Variants in SOX5 observed in about 807,000 individuals in gnomAD.
SOX5 encodes the protein SRY-box transcription factor 5, also known as transcription factor SOX-5.
In SOX5, 9 loss-of-function variants were observed where a neutral mutation model predicts 92.0. That is an observed-to-expected ratio of 0.10 (90% CI 0.06 to 0.17). SOX5 has a LOEUF of 0.17. Ranked by LOEUF, SOX5 falls within the 10% of genes least tolerant of loss-of-function variation. SOX5 has a pLI of 1.00. For synonymous variants in SOX5, 344 were observed against 336.3 expected, an observed-to-expected ratio of 1.02 and a Z score of -0.25; for missense variants, 642 against 944.5, an observed-to-expected ratio of 0.68 and a Z score of 4.20.
chr12:24,238,727 CT>C (rs1965005936), intron 3 of SOX5, among the ~76,000 whole-genome samples: 1 of 152,124 alleles, frequency 6.6e-6, no homozygotes. Context: ...CTCTCAATTT[CT>C]ACCTTCTTTT....
intron 10 of SOX5, among the ~76,000 whole-genome samples, chr12:23,564,323 T>C (rs985892666): frequency 1.1e-4 from 16 of 152,220 alleles, no homozygotes; most frequent in African/African-American, 3.6e-4. Flanking sequence ...GGGAAAAAGA[T>C]TGTTTTGCAA....
chr12:23,750,910 G>A (rs764695826), intron 4 of SOX5, among the ~76,000 whole-genome samples: 1 of 151,798 alleles, frequency 6.6e-6, no homozygotes, highest in African/African-American at 2.4e-5. Flanking sequence ...GGACACCGGC[G>A]TCATGAGACG....
At chr12:24,390,742 T>C (rs1302803739) in intron 1 of SOX5, among the ~76,000 whole-genome samples, 1 of 152,150 alleles carries the variant, frequency 6.6e-6, no homozygotes, top group Non-Finnish European at 1.5e-5. Context: ...CTGCAAAAGA[T>C]AGGATTTCAT....
intron 4 of SOX5, among the ~76,000 whole-genome samples, chr12:24,058,354 T>C (rs1938993272): frequency 6.6e-6 from 1 of 152,224 alleles, no homozygotes. Context: ...CTATTTACAA[T>C]GAATTAAAAG....
Position 23,599,121 on chromosome 12 carries a change from G to C in SOX5, c.1164+5266C>G, listed in dbSNP as rs1417297080. Among the ~76,000 whole-genome samples the C allele has an allele frequency of 2.6e-5, 4 of 152,280 alleles. No individual in the cohort carries two copies. In the East Asian group the frequency reaches 5.8e-4, roughly 22 times the overall value. ...AGCAAAAAAATAGGTTCCCTAATAG[G>C]AGTCATCGGCACTGCTGATATTACT... On this transcript the variant is annotated intron_variant, in intron 9 of 14. Transcript: ENST00000451604.
At chr12:24,020,240 C>A (rs1307241523) in intron 4 of SOX5, among the ~76,000 whole-genome samples, 1 of 152,078 alleles carries the variant, frequency 6.6e-6, no homozygotes, top group African/African-American at 2.4e-5. Flanking sequence ...CCCCTGATGC[C>A]CCATGATGAT....
chr12:23,538,209 A>G (rs1043682317), intron 13 of SOX5, among the ~76,000 whole-genome samples: 2 of 152,204 alleles, frequency 1.3e-5, no homozygotes, highest in Non-Finnish European at 2.9e-5. Context: ...ACATGTAAAG[A>G]GTTCCTCAAT....
chr12:23,970,227 CTTCT>C (rs1408826200), intron 4 of SOX5, among the ~76,000 whole-genome samples: 6 of 107,386 alleles, frequency 5.6e-5, no homozygotes, highest in Non-Finnish European at 9.3e-5. Context: ...TTTCAGCTGA[CTTCT>C]TTTTTTTTTG....
intron 10 of SOX5, among the ~76,000 whole-genome samples, chr12:23,572,315 C>T (rs552346104): frequency 6.6e-6 from 1 of 152,296 alleles, no homozygotes; most frequent in African/African-American, 2.4e-5. Context: ...TTAATCCTCA[C>T]AGCTTTTATC....
intron 3 of SOX5, among the ~76,000 whole-genome samples, chr12:24,233,289 G>GA (rs1963793718): frequency 6.6e-6 from 1 of 151,842 alleles, no homozygotes; most frequent in Non-Finnish European, 1.5e-5. Flanking sequence ...GAATAACAAT[G>GA]AAAATTTAAA....
intron 1 of SOX5, among the ~76,000 whole-genome samples, chr12:23,914,349 A>T (rs1036615954): frequency 1.3e-5 from 2 of 152,218 alleles, no homozygotes; most frequent in African/African-American, 4.8e-5. Context: ...CTTTCCAGTT[A>T]TAATAGTAGT....
chr12:23,632,449 A>G (rs1435481267), intron 8 of SOX5, among the ~76,000 whole-genome samples: 1 of 152,154 alleles, frequency 6.6e-6, no homozygotes, highest in East Asian at 1.9e-4. Context: ...TCCTTCAATA[A>G]CAAGATAAAA....
chr12:23,953,937 G>A (rs1945971272), upstream of SOX5, among the ~76,000 whole-genome samples: 3 of 151,980 alleles, frequency 2.0e-5, no homozygotes, highest in South Asian at 4.1e-4. Context: ...ATAAAAAGGG[G>A]ATTGACACAG....
At chr12:23,949,885 G>T (rs1945313666), upstream of SOX5, among the ~76,000 whole-genome samples, 2 of 148,268 alleles carry the variant, frequency 1.3e-5, no homozygotes, top group South Asian at 4.4e-4. Context: ...GAGTCTGGCT[G>T]CTCCCCCCTC....
At chr12:23,598,335 T>A (rs1160163034) in intron 9 of SOX5, among the ~76,000 whole-genome samples, 1 of 151,752 alleles carries the variant, frequency 6.6e-6, no homozygotes, top group Non-Finnish European at 1.5e-5. Flanking sequence ...GGCCTTAGCA[T>A]TTCCTAGTCC....
chr12:23,797,494 G>A (rs975096326), intron 3 of SOX5, among the ~76,000 whole-genome samples: 6 of 151,596 alleles, frequency 4.0e-5, no homozygotes, highest in African/African-American at 9.7e-5. Context: ...ATAACTCTTC[G>A]GCATTTGCAC....
chr12:24,511,306 G>C (rs922117807), intron 1 of SOX5, among the ~76,000 whole-genome samples: 2 of 152,142 alleles, frequency 1.3e-5, no homozygotes, highest in African/African-American at 2.4e-5. Flanking sequence ...AATGCAGTGT[G>C]GTAATGTGTT....
chr12:23,786,019 C>T (rs2095370852), intron 3 of SOX5, among the ~76,000 whole-genome samples: 1 of 151,900 alleles, frequency 6.6e-6, no homozygotes, highest in East Asian at 1.9e-4. Flanking sequence ...AAACAAGTTA[C>T]CTAAGCTTCT....
intron 3 of SOX5, among the ~76,000 whole-genome samples, chr12:23,819,986 G>A (rs887897489): frequency 6.6e-6 from 1 of 152,122 alleles, no homozygotes; most frequent in African/African-American, 2.4e-5. Context: ...TCTGGTTCTA[G>A]ATCCTTGAGG....
Sources: gnomAD v4.1 joint callset for allele counts (sites outside exome capture counted in the v4.1 genomes callset) on GRCh38, gnomAD v4.1.1 for gene constraint, MANE v1.5 for transcripts, NCBI Gene and HGNC (gene_info 2026-07-23, HGNC 2026-07-21) for gene names.